Variants in ZNF215 observed in about 807,000 individuals in gnomAD.
The protein encoded by ZNF215 is BWSCR2-associated zinc finger protein 2.
A neutral mutation model predicts 27.2 loss-of-function variants in ZNF215; 24 were observed. The observed-to-expected ratio is 0.88, with a 90% confidence interval of 0.64 to 1.24. ZNF215 has a LOEUF of 1.24. ZNF215 is among the 50% of genes most tolerant of loss of function. The probability of loss-of-function intolerance (pLI) is 0.00; values close to 1 mark genes in which losing one functional copy is unlikely to be tolerated. For missense variants in ZNF215, 675 were observed against 605.7 expected (o/e 1.11, Z -1.20); for synonymous variants, 210 against 204.0 (o/e 1.03, Z -0.25).
chr11:6,967,968 G>A (rs959781666), intron 5 of ZNF215, among the ~76,000 whole-genome samples: 1 of 152,180 alleles, frequency 6.6e-6, no homozygotes, highest in African/African-American at 2.4e-5. Flanking sequence ...TGTATAAGGT[G>A]TAAGGAAGGG....
At chr11:6,992,878 G>C (rs945909434), downstream of ZNF215, among the ~76,000 whole-genome samples, 2 of 151,482 alleles carry the variant, frequency 1.3e-5, no homozygotes, top group African/African-American at 4.9e-5. Context: ...AACCAGCAAG[G>C]CACATTCCTG....
intron 6 of ZNF215, among the ~76,000 whole-genome samples, chr11:6,945,064 C>G (rs1198623457): frequency 6.6e-6 from 1 of 152,126 alleles, no homozygotes; most frequent in South Asian, 2.1e-4. Flanking sequence ...AGTTGTCTTA[C>G]ATTATGCTAA....
intron 5 of ZNF215, among the ~76,000 whole-genome samples, chr11:6,974,007 C>T (rs891370624): frequency 3.3e-5 from 5 of 151,940 alleles, no homozygotes; most frequent in African/African-American, 9.7e-5. Context: ...AGGTTTTCTT[C>T]TAGGGTTTTT....
chr11:6,958,107 A>G, downstream of ZNF215: 1 of 969,122 alleles, frequency 1.0e-6, no homozygotes, highest in Non-Finnish European at 1.2e-6. Context: ...CTACATAAGT[A>G]ATTGATATAG....
In ZNF215 at chr11:6,943,650, C is replaced by G. The variant is rs1849712646; in HGVS notation, c.712+9C>G. The G allele has an allele frequency of 2.5e-6, 4 of 1,597,614 alleles. No homozygotes were observed. The highest frequency in any genetic ancestry group is 3.4e-6 in the Non-Finnish European group (4 of 1,165,630). ...AAGGAAGACTATTTTTGGTAAGAAC[C>G]AGGTAGATATGAGGCCATAGTAAGA... On this transcript the variant is annotated intron_variant, in intron 6 of 6. Transcript: ENST00000278319.
chr11:6,971,691 A>C (rs568934114), intron 5 of ZNF215, among the ~76,000 whole-genome samples: 1 of 152,316 alleles, frequency 6.6e-6, no homozygotes, highest in African/African-American at 2.4e-5. Context: ...AATAGGAATT[A>C]GAGACATAGA....
intron 5 of ZNF215, among the ~76,000 whole-genome samples, chr11:6,980,011 A>G (rs1023611281): frequency 1.3e-5 from 2 of 152,140 alleles, no homozygotes; most frequent in African/African-American, 4.8e-5. Flanking sequence ...ACACATGCAC[A>G]TGCGTGCAAC....
At chr11:6,964,374 A>G (rs544030527) in intron 5 of ZNF215, among the ~76,000 whole-genome samples, 64 of 152,092 alleles carry the variant, frequency 4.2e-4, no homozygotes, top group African/African-American at 1.5e-3. Flanking sequence ...GTTTTCTTCT[A>G]GAAGTTTTAG....
In ZNF215 at chr11:6,926,490, G is replaced by T. The variant is rs998531116; in HGVS notation, c.-521G>T. On this transcript the variant is annotated 5_prime_UTR_variant, in exon 1 of 7. Transcript: ENST00000278319. ...CGATCCGGGTCGCGGGGGCTCCTAG[G>T]GGGTTCCTTCCACAGCTGGTGCGCG... 1.3e-5 allele frequency: 2 copies of T among 152,434 alleles called. No homozygotes were observed. Among genetic ancestry groups the T allele is most frequent in the Admixed American group, 6.5e-5 (1 of 15,294 alleles). The allele number at this position is 152,434 out of a possible 1,614,324, so 9.4% of individuals were successfully genotyped here. A position where few individuals can be genotyped will look rare whatever the true frequency, so the allele number is the denominator to read the frequency against.
In ZNF215 at chr11:6,963,419, AT is replaced by A. The variant is rs1850557394; in HGVS notation, c.805+7639del. Among the ~76,000 whole-genome samples, 5 of 152,212 alleles carry A rather than the reference AT, an allele frequency of 3.3e-5. No homozygotes were observed. In the South Asian group the frequency reaches 1.0e-3, roughly 32 times the overall value. On this transcript the variant is annotated intron_variant, in intron 5 of 5. Transcript: ENST00000529903. ...TGAGTGGCAATAAAATAAAATTGCT[AT>A]TAAAATATGGTTACATATATTCTAC...
At chr11:6,951,342 G>A (rs1462164825) in intron 6 of ZNF215, among the ~76,000 whole-genome samples, 2 of 152,052 alleles carry the variant, frequency 1.3e-5, no homozygotes, top group Non-Finnish European at 2.9e-5. Context: ...GGTAGAATTC[G>A]GCTGTGAATC....
intron 6 of ZNF215, among the ~76,000 whole-genome samples, chr11:6,948,537 T>C (rs1284497040): frequency 6.6e-6 from 1 of 152,170 alleles, no homozygotes; most frequent in Non-Finnish European, 1.5e-5. Flanking sequence ...CTGAAGTTTT[T>C]TCAATATGGA....
chr11:6,946,771 CT>C (rs1849829191), intron 6 of ZNF215, among the ~76,000 whole-genome samples: 1 of 152,282 alleles, frequency 6.6e-6, no homozygotes, highest in South Asian at 2.1e-4. Context: ...CCACATTAGG[CT>C]GTATGTTCTT....
downstream of ZNF215, among the ~76,000 whole-genome samples, chr11:6,990,855 A>G (rs1851107577): frequency 6.6e-6 from 1 of 152,262 alleles, no homozygotes; most frequent in South Asian, 2.1e-4. Flanking sequence ...TATAAAACCA[A>G]AGTCATTTAA....
intron 4 of ZNF215, among the ~76,000 whole-genome samples, chr11:6,942,371 A>G (rs933592507): frequency 2.0e-5 from 3 of 152,218 alleles, no homozygotes; most frequent in Non-Finnish European, 2.9e-5. Context: ...GCCAATATTT[A>G]TGTAGTGCAT....
At chr11:6,934,119 T>G (rs116978159) in intron 3 of ZNF215, among the ~76,000 whole-genome samples, 204 of 152,270 alleles carry the variant, frequency 1.3e-3, no homozygotes, top group Admixed American at 2.4e-3. Context: ...GTCTAAAAAT[T>G]TTCTTAATGA....
intron 6 of ZNF215, among the ~76,000 whole-genome samples, chr11:6,952,412 G>A (rs1313570753): frequency 1.3e-5 from 2 of 152,078 alleles, no homozygotes; most frequent in East Asian, 3.8e-4. Flanking sequence ...ATGAATCTGG[G>A]TGCTCCTGTA....
intron 6 of ZNF215, among the ~76,000 whole-genome samples, chr11:6,954,035 G>A (rs1047742024): frequency 1.3e-5 from 2 of 152,170 alleles, no homozygotes; most frequent in Non-Finnish European, 2.9e-5. Flanking sequence ...CAGCAATGGT[G>A]GCTGCAGAAC....
chr11:6,938,765 T>C (rs1288488191), intron 3 of ZNF215, among the ~76,000 whole-genome samples: 2 of 152,106 alleles, frequency 1.3e-5, no homozygotes, highest in African/African-American at 2.4e-5. Flanking sequence ...CCTAAATTAA[T>C]ATGGGGCTCT....
Sources: allele counts gnomAD v4.1 joint callset (sites outside exome capture counted in the v4.1 genomes callset), GRCh38; gene constraint gnomAD v4.1.1; transcripts MANE v1.5; gene names NCBI Gene and HGNC (gene_info 2026-07-23, HGNC 2026-07-21).